KCNIP4: variants seen among roughly 807,000 people sequenced by gnomAD.
KCNIP4 encodes the protein Kv channel-interacting protein 4.
KCNIP4 carries 12 observed loss-of-function variants against 34.0 expected under a neutral mutation model. That is an observed-to-expected ratio of 0.35 (90% CI 0.23 to 0.57). KCNIP4 has a LOEUF of 0.57. KCNIP4 is among the 20% of genes least tolerant of loss of function. The pLI, the probability that KCNIP4 is intolerant of heterozygous loss-of-function variation, is 0.83. For synonymous variants in KCNIP4, 124 were observed against 102.2 expected (o/e 1.21, Z -1.29); for missense variants, 238 against 311.7 (o/e 0.76, Z 1.78).
At chr4:20,842,476 C>T (rs1401250601) in intron 3 of KCNIP4, among the ~76,000 whole-genome samples, 3 of 148,064 alleles carry the variant, frequency 2.0e-5, no homozygotes, top group Non-Finnish European at 4.4e-5. Flanking sequence ...CTAGTTGGGT[C>T]ACTGCAGTAT....
chr4:21,829,840 A>G (rs1416744680), intron 1 of KCNIP4, among the ~76,000 whole-genome samples: 2 of 152,148 alleles, frequency 1.3e-5, no homozygotes, highest in East Asian at 3.9e-4. Context: ...AGTATTTTGA[A>G]TTGAAATGGA....
At chr4:21,284,984 C>A (rs1291159260) in intron 1 of KCNIP4, among the ~76,000 whole-genome samples, 1 of 152,090 alleles carries the variant, frequency 6.6e-6, no homozygotes, top group Non-Finnish European at 1.5e-5. Flanking sequence ...TTCAATAGTT[C>A]TGATGCCTAT....
At chr4:21,339,247 A>T (rs1341903863) in intron 1 of KCNIP4, among the ~76,000 whole-genome samples, 1 of 152,226 alleles carries the variant, frequency 6.6e-6, no homozygotes, top group African/African-American at 2.4e-5. Context: ...TTGTTCACTG[A>T]AATTCTGCTG....
At chr4:20,884,045 G>A (rs533991940) in intron 1 of KCNIP4, among the ~76,000 whole-genome samples, 4 of 152,222 alleles carry the variant, frequency 2.6e-5, no homozygotes, top group African/African-American at 4.8e-5. Context: ...AAAGCAGGCC[G>A]TCCTCTGGCC....
chr4:21,273,183 A>G (rs1762253337), intron 1 of KCNIP4, among the ~76,000 whole-genome samples: 1 of 152,196 alleles, frequency 6.6e-6, no homozygotes. Flanking sequence ...CTTCTAAGAA[A>G]TACATGATCC....
chr4:20,991,262 A>C (rs1378621774), intron 1 of KCNIP4, among the ~76,000 whole-genome samples: 3 of 152,212 alleles, frequency 2.0e-5, no homozygotes, highest in African/African-American at 7.2e-5. Flanking sequence ...AATGACCTTC[A>C]GAAAAGTAGG....
chr4:20,788,377 A>G (rs1280749190), intron 3 of KCNIP4, among the ~76,000 whole-genome samples: 2 of 152,164 alleles, frequency 1.3e-5, no homozygotes, highest in East Asian at 3.9e-4. Context: ...TTTCTATTTA[A>G]TGAGGTATAT....
chr4:21,229,718 T>G (rs1758658489), intron 1 of KCNIP4, among the ~76,000 whole-genome samples: 1 of 152,066 alleles, frequency 6.6e-6, no homozygotes, highest in South Asian at 2.1e-4. Context: ...AAGGCATCAT[T>G]GGAGGCGAGA....
intron 1 of KCNIP4, among the ~76,000 whole-genome samples, chr4:21,779,801 T>C (rs1233516551): frequency 6.6e-6 from 1 of 151,782 alleles, no homozygotes; most frequent in Non-Finnish European, 1.5e-5. Context: ...GTGGCACACT[T>C]CCTCCTGTAG....
intron 1 of KCNIP4, among the ~76,000 whole-genome samples, chr4:21,810,197 T>C (rs1487031492): frequency 6.6e-6 from 1 of 152,208 alleles, no homozygotes; most frequent in Non-Finnish European, 1.5e-5. Flanking sequence ...AATCATTTAA[T>C]ACCACATATC....
At chr4:21,584,356 T>A (rs1012193458) in intron 1 of KCNIP4, among the ~76,000 whole-genome samples, 1 of 152,178 alleles carries the variant, frequency 6.6e-6, no homozygotes, top group East Asian at 1.9e-4. Context: ...GGCAACTAAT[T>A]TCTCAACCTA....
At chr4:21,732,882 T>A (rs1481170120) in intron 1 of KCNIP4, among the ~76,000 whole-genome samples, 1 of 152,132 alleles carries the variant, frequency 6.6e-6, no homozygotes, top group East Asian at 1.9e-4. Flanking sequence ...CCTACTCCAA[T>A]CACAAAATAT....
intron 1 of KCNIP4, among the ~76,000 whole-genome samples, chr4:21,900,748 T>C (rs1185610975): frequency 6.6e-6 from 1 of 152,220 alleles, no homozygotes; most frequent in Non-Finnish European, 1.5e-5. Flanking sequence ...AATCTATACC[T>C]TTCTACTTTT....
Position 21,452,816 on chromosome 4 carries a change from T to C in KCNIP4, c.61+495755A>G, listed in dbSNP as rs75314510. Among the ~76,000 whole-genome samples, 880 of 149,580 alleles carry C rather than the reference T, an allele frequency of 5.9e-3. 11 individuals carry two copies. The highest frequency in any genetic ancestry group is 0.021 in the African/African-American group (849 of 41,078). On this transcript the variant is annotated intron_variant, in intron 1 of 8. Transcript: ENST00000382152. ...AAAAAAAACAGAAAAAAAGAAGTCC[T>C]TTTTGAAAAAGTCCTTCATAATACT...
At chr4:21,158,925 A>G (rs371184825) in intron 1 of KCNIP4, among the ~76,000 whole-genome samples, 7 of 152,322 alleles carry the variant, frequency 4.6e-5, no homozygotes, top group Admixed American at 3.9e-4. Flanking sequence ...GTGAGACTGC[A>G]GCATACAATA....
chr4:21,384,813 T>A (rs569280879), intron 1 of KCNIP4, among the ~76,000 whole-genome samples: 14 of 152,172 alleles, frequency 9.2e-5, no homozygotes, highest in Non-Finnish European at 1.8e-4. Flanking sequence ...TGGGAGGTAA[T>A]GAGATTTTTA....
chr4:21,622,985 A>T (rs890114561), intron 1 of KCNIP4, among the ~76,000 whole-genome samples: 5 of 152,206 alleles, frequency 3.3e-5, no homozygotes, highest in Non-Finnish European at 7.3e-5. Context: ...AGTATTTAAC[A>T]TTCAATATGA....
chr4:21,925,973 A>C (rs1317267882), intron 1 of KCNIP4, among the ~76,000 whole-genome samples: 1 of 152,204 alleles, frequency 6.6e-6, no homozygotes, highest in Non-Finnish European at 1.5e-5. Flanking sequence ...TCAATGTCTT[A>C]ATCTTCAGAA....
chr4:20,770,546 T>C (rs960946010), intron 3 of KCNIP4, among the ~76,000 whole-genome samples: 2 of 150,798 alleles, frequency 1.3e-5, no homozygotes, highest in Non-Finnish European at 3.0e-5. Flanking sequence ...AAGAATAAAA[T>C]AAAATACAGC....
Sources: gnomAD v4.1 joint callset for allele counts (sites outside exome capture counted in the v4.1 genomes callset) on GRCh38, gnomAD v4.1.1 for gene constraint, MANE v1.5 for transcripts, NCBI Gene and HGNC (gene_info 2026-07-23, HGNC 2026-07-21) for gene names.